Variants in PLXNA4 observed in about 807,000 individuals in gnomAD.
The protein encoded by PLXNA4 is plexin-A4.
A neutral mutation model predicts 191.8 loss-of-function variants in PLXNA4; 44 were observed. The ratio of observed to expected loss-of-function variants is 0.23; its 90% confidence interval spans 0.18 to 0.29. PLXNA4 has a LOEUF of 0.29. PLXNA4 is among the 10% of genes least tolerant of loss of function. The pLI is 1.00. For missense variants in PLXNA4, 1,800 were observed against 2,488.8 expected (o/e 0.72, Z 5.89); for synonymous variants, 1,082 against 1,009.5 (o/e 1.07, Z -1.36).
chr7:132,510,662 G>T (rs1798678242), intron 1 of PLXNA4, among the ~76,000 whole-genome samples: 1 of 152,214 alleles, frequency 6.6e-6, no homozygotes, highest in Admixed American at 6.5e-5. Context: ...AACTTAGGGT[G>T]AGAGAGGGCA....
intron 1 of PLXNA4, among the ~76,000 whole-genome samples, chr7:132,514,298 G>C (rs182608765): frequency 6.6e-6 from 1 of 151,922 alleles, no homozygotes; most frequent in Non-Finnish European, 1.5e-5. Context: ...TGATCCGCCC[G>C]CCTCGGCCTC....
chr7:132,351,169 GCTGT>G (rs1056896972), intron 3 of PLXNA4, among the ~76,000 whole-genome samples: 5 of 152,296 alleles, frequency 3.3e-5, no homozygotes, highest in African/African-American at 1.2e-4. Context: ...AGGGATTTGA[GCTGT>G]CTTTTTGCAG....
At chr7:132,387,662 A>G (rs1805210314) in intron 3 of PLXNA4, among the ~76,000 whole-genome samples, 1 of 152,206 alleles carries the variant, frequency 6.6e-6, no homozygotes. Flanking sequence ...TGAATCCAGT[A>G]TTGGGAAATG....
intron 3 of PLXNA4, among the ~76,000 whole-genome samples, chr7:132,436,587 C>A (rs903870773): frequency 6.6e-6 from 1 of 152,170 alleles, no homozygotes; most frequent in Admixed American, 6.5e-5. Context: ...CCTCAATTTC[C>A]AATCGTTGGA....
At chr7:132,458,778 C>T (rs753674167) in intron 3 of PLXNA4, among the ~76,000 whole-genome samples, 7 of 152,190 alleles carry the variant, frequency 4.6e-5, no homozygotes, top group Non-Finnish European at 7.3e-5. Context: ...TTAGGACATA[C>T]GCACATTCCT....
chr7:132,241,828 C>A (rs145203791), intron 4 of PLXNA4, among the ~76,000 whole-genome samples: 1 of 152,254 alleles, frequency 6.6e-6, no homozygotes, highest in East Asian at 1.9e-4. Flanking sequence ...TCCTCCTACC[C>A]ACACTCTTTT....
intron 3 of PLXNA4, among the ~76,000 whole-genome samples, chr7:132,349,087 A>G (rs11978355): frequency 0.077 from 11,706 of 152,176 alleles, 803 homozygotes; most frequent in African/African-American, 0.19. Context: ...TGGGTCAAGG[A>G]CCATAATGGT....
At chr7:132,324,810 G>T (rs1320534390) in intron 3 of PLXNA4, among the ~76,000 whole-genome samples, 1 of 152,114 alleles carries the variant, frequency 6.6e-6, no homozygotes, top group Non-Finnish European at 1.5e-5. Context: ...AGAAAGGTAG[G>T]GACATCAGAA....
intron 1 of PLXNA4, among the ~76,000 whole-genome samples, chr7:132,529,445 A>C (rs1799535769): frequency 6.6e-6 from 1 of 152,190 alleles, no homozygotes; most frequent in African/African-American, 2.4e-5. Flanking sequence ...GGAATTTGGG[A>C]CATGAAGGCT....
chr7:132,589,428 TTAAGA>T (rs1802565429), intron 2 of PLXNA4, among the ~76,000 whole-genome samples: 1 of 152,162 alleles, frequency 6.6e-6, no homozygotes, highest in South Asian at 2.1e-4. Context: ...TTCTTCTAAG[TTAAGA>T]TTTTAAATTA....
chr7:132,574,026 T>C (rs1802106854), intron 1 of PLXNA4, among the ~76,000 whole-genome samples: 1 of 152,198 alleles, frequency 6.6e-6, no homozygotes, highest in Non-Finnish European at 1.5e-5. Context: ...ACGTAATGTA[T>C]ACTCCGCTTT....
chr7:132,131,931 G>A (rs1279558751), intron 31 of PLXNA4, among the ~76,000 whole-genome samples: 1 of 152,214 alleles, frequency 6.6e-6, no homozygotes, highest in East Asian at 1.9e-4. Flanking sequence ...GGCCTGCTGG[G>A]TCTGCTTCTT....
At chr7:132,156,449 C>T (rs1795801005) in intron 25 of PLXNA4, among the ~76,000 whole-genome samples, 1 of 152,162 alleles carries the variant, frequency 6.6e-6, no homozygotes, top group Non-Finnish European at 1.5e-5. Flanking sequence ...TTACTTGGGA[C>T]AATGACGGGG....
At chr7:132,372,562 A>C (rs759829635) in intron 3 of PLXNA4, among the ~76,000 whole-genome samples, 2 of 152,192 alleles carry the variant, frequency 1.3e-5, no homozygotes, top group African/African-American at 2.4e-5. Flanking sequence ...CCCCACACCA[A>C]GCAACGTGTC....
At chr7:132,641,905 T>A (rs1445816973) in intron 2 of PLXNA4, among the ~76,000 whole-genome samples, 1 of 152,160 alleles carries the variant, frequency 6.6e-6, no homozygotes. Flanking sequence ...GCCCACAGCA[T>A]CATAAGATAG....
At chr7:132,563,092 T>TC (rs1563175418) in intron 1 of PLXNA4, among the ~76,000 whole-genome samples, 19 of 67,786 alleles carry the variant, frequency 2.8e-4, no homozygotes, top group East Asian at 5.0e-4. Flanking sequence ...CTCCTCCTCT[T>TC]CTTCCTCCTC....
chr7:132,505,011 A>T (rs1228217456), intron 2 of PLXNA4, among the ~76,000 whole-genome samples: 3 of 152,172 alleles, frequency 2.0e-5, no homozygotes, highest in Non-Finnish European at 4.4e-5. Flanking sequence ...ATCAAAGGAA[A>T]CTGATACTGT....
chr7:132,453,202 A>ATG (rs1218160764), intron 3 of PLXNA4, among the ~76,000 whole-genome samples: 5 of 152,166 alleles, frequency 3.3e-5, no homozygotes, highest in African/African-American at 4.8e-5. Flanking sequence ...CAGGTCAACA[A>ATG]ACCTGCCCTT....
At chr7:132,186,828 C>A (rs1796893921) in intron 15 of PLXNA4, among the ~76,000 whole-genome samples, 1 of 152,012 alleles carries the variant, frequency 6.6e-6, no homozygotes, top group Non-Finnish European at 1.5e-5. Context: ...TGAAACAAAC[C>A]CCCTCTTTGC....
Sources: allele counts gnomAD v4.1 joint callset (sites outside exome capture counted in the v4.1 genomes callset), GRCh38; gene constraint gnomAD v4.1.1; transcripts MANE v1.5; gene names NCBI Gene and HGNC (gene_info 2026-07-23, HGNC 2026-07-21).